Variants in DYRK1A observed in about 807,000 individuals in gnomAD.
DYRK1A encodes dual specificity tyrosine-phosphorylation-regulated kinase 1A.
Under a neutral mutation model 79.7 loss-of-function variants are expected in DYRK1A, and 9 were observed. The observed-to-expected ratio is 0.11, with a 90% CI of 0.07 to 0.20. The LOEUF (loss-of-function observed/expected upper bound fraction) is 0.20, where lower values mean the gene tolerates loss of function less well. DYRK1A is among the 10% of genes least tolerant of loss of function. The probability of loss-of-function intolerance (pLI) is 1.00; values close to 1 mark genes in which losing one functional copy is unlikely to be tolerated. For synonymous variants in DYRK1A, 349 were observed against 329.7 expected (o/e 1.06, Z -0.63); for missense variants, 622 against 956.0 (o/e 0.65, Z 4.61).
intron 1 of DYRK1A, among the ~76,000 whole-genome samples, chr21:37,383,124 G>T (rs2049691842): frequency 6.6e-6 from 1 of 152,232 alleles, no homozygotes; most frequent in African/African-American, 2.4e-5. Context: ...GGCAGTGCTT[G>T]CCTACCTCAG....
intron 2 of DYRK1A, chr21:37,456,371 C>G (rs1042014711): frequency 6.6e-6 from 1 of 152,156 alleles, no homozygotes; most frequent in Admixed American, 6.5e-5. Flanking sequence ...GGGAGCTATT[C>G]ACAAGATTCA....
chr21:37,384,312 A>G (rs1420788609), intron 1 of DYRK1A, among the ~76,000 whole-genome samples: 3 of 152,146 alleles, frequency 2.0e-5, no homozygotes, highest in Non-Finnish European at 4.4e-5. Context: ...TTCACAAAAG[A>G]ACAGTTTCTG....
intron 8 of DYRK1A, among the ~76,000 whole-genome samples, chr21:37,495,720 A>T (rs2053247148): frequency 6.6e-6 from 1 of 152,146 alleles, no homozygotes; most frequent in South Asian, 2.1e-4. Context: ...GCCTGGGAGG[A>T]GGTCAAGGCT....
At position 37,517,854 on chromosome 21, in the gene DYRK1A, A is replaced by G. The variant is rs1451596580; in HGVS notation, c.*5323A>G. ...GTTAACTCCCTCTGAAATGAAAGAA[A>G]ATACCTCTAGTGGCATGAAACGGCT... On this transcript the variant is annotated 3_prime_UTR_variant, in exon 12 of 12. Transcript: ENST00000647188. The G allele has an allele frequency of 1.3e-5, 2 of 152,172 alleles. No individual in the cohort carries two copies. The highest frequency in any genetic ancestry group is 2.9e-5 in the Non-Finnish European group (2 of 68,034). The allele number at this position is 152,172 out of a possible 1,614,324, so 9.4% of individuals were successfully genotyped here.
intron 1 of DYRK1A, among the ~76,000 whole-genome samples, chr21:37,417,654 T>C (rs2298328): frequency 0.35 from 52,381 of 149,352 alleles, 9,915 homozygotes; most frequent in African/African-American, 0.49. Context: ...TCAGTACCTA[T>C]CTGAGCATAC....
chr21:37,441,896 T>C (rs2051115447), intron 2 of DYRK1A, among the ~76,000 whole-genome samples: 1 of 151,940 alleles, frequency 6.6e-6, no homozygotes, highest in Non-Finnish European at 1.5e-5. Context: ...ACATTTTTTG[T>C]AGTGCGTATT....
At chr21:37,495,427 G>A (rs992118756) in intron 8 of DYRK1A, among the ~76,000 whole-genome samples, 4 of 152,182 alleles carry the variant, frequency 2.6e-5, no homozygotes, top group Non-Finnish European at 4.4e-5. Context: ...GGAGGCCAAG[G>A]TGGACAGATC....
At chr21:37,456,755 C>T (rs1297663527) in intron 2 of DYRK1A, among the ~76,000 whole-genome samples, 3 of 152,144 alleles carry the variant, frequency 2.0e-5, no homozygotes, top group Admixed American at 2.0e-4. Flanking sequence ...AGTGCTTGAC[C>T]TCTTTGTGTG....
intron 5 of DYRK1A, chr21:37,486,215 G>T (rs987267189): frequency 4.0e-6 from 1 of 252,352 alleles, no homozygotes; most frequent in South Asian, 1.7e-4. Context: ...TATCTATTTT[G>T]TGGATATTTA....
intron 2 of DYRK1A, among the ~76,000 whole-genome samples, chr21:37,444,799 C>G (rs1345071947): frequency 1.3e-5 from 2 of 152,064 alleles, no homozygotes; most frequent in East Asian, 3.8e-4. Flanking sequence ...AGAAAACTCA[C>G]AGTTGAATGG....
intron 1 of DYRK1A, among the ~76,000 whole-genome samples, chr21:37,392,606 AGGGCAACTTC>A (rs2049891632): frequency 6.6e-6 from 1 of 152,210 alleles, no homozygotes; most frequent in Non-Finnish European, 1.5e-5. Flanking sequence ...ATGGAAGGGC[AGGGCAACTTC>A]CTTTAACCTC....
chr21:37,422,565 T>C (rs1323316278), intron 2 of DYRK1A, among the ~76,000 whole-genome samples: 2 of 152,160 alleles, frequency 1.3e-5, no homozygotes, highest in African/African-American at 4.8e-5. Context: ...TCTCATCTTT[T>C]CCTTGATGAG....
chr21:37,511,915 G>T lies in DYRK1A; in HGVS notation c.1649G>T (p.Arg550Leu). The change falls in exon 12 of 12, where the codon CGT becomes CTT. Residue 550 changes from arginine (R) to leucine (L), a missense_variant. Physicochemically the swap from Arg to Leu is moderately radical, Grantham distance 102 (BLOSUM62 -2). This residue lies in a region of DYRK1A where 292 missense variants were observed against 316.7 expected (regional missense o/e 0.92). Transcript: ENST00000647188. Reference protein sequence around the residue: ...MDCETHSPQVRQQFPAPLGWS... With the variant: ...MDCETHSPQVLQQFPAPLGWS... Reference sequence around the variant, plus strand: ...TTTAAAAATCTGTTCTTTCAGGTGCGTCAGCAATTTCCTGCTCCTCTTGGT... The same window carrying T: ...TTTAAAAATCTGTTCTTTCAGGTGCTTCAGCAATTTCCTGCTCCTCTTGGT... 6.2e-7 allele frequency: 1 copy of T among 1,609,378 alleles called. No homozygotes were observed. Among genetic ancestry groups the T allele is most frequent in the Non-Finnish European group, 8.5e-7 (1 of 1,176,160 alleles).
At chr21:37,437,944 T>TG (rs1199316127) in intron 2 of DYRK1A, among the ~76,000 whole-genome samples, 4 of 152,232 alleles carry the variant, frequency 2.6e-5, no homozygotes, top group Admixed American at 2.6e-4. Flanking sequence ...ACAAAGTAGT[T>TG]GTACCGTTTT....
chr21:37,389,160 G>A (rs1171363720), intron 1 of DYRK1A, among the ~76,000 whole-genome samples: 1 of 151,558 alleles, frequency 6.6e-6, no homozygotes, highest in Non-Finnish European at 1.5e-5. Context: ...TTACAGGCAT[G>A]AGCCACCACT....
intron 2 of DYRK1A, among the ~76,000 whole-genome samples, chr21:37,461,592 A>G (rs1028288900): frequency 2.0e-5 from 3 of 152,064 alleles, no homozygotes; most frequent in Non-Finnish European, 2.9e-5. Flanking sequence ...TTTCACTTTC[A>G]TGGGTCTGAA....
At chr21:37,398,985 A>G (rs2050008226) in intron 1 of DYRK1A, among the ~76,000 whole-genome samples, 1 of 150,670 alleles carries the variant, frequency 6.6e-6, no homozygotes, top group Non-Finnish European at 1.5e-5. Context: ...TGGTGCATTT[A>G]CTAGGACCTT....
At position 37,515,978 on chromosome 21, in the gene DYRK1A, A is replaced by G. The variant is rs867259629; in HGVS notation, c.*3447A>G. 6 of 152,226 alleles carry G rather than the reference A, an allele frequency of 3.9e-5. No individual in the cohort carries two copies. Among genetic ancestry groups the G allele is most frequent in the Admixed American group, 6.5e-5 (1 of 15,284 alleles). 9.4% of individuals were successfully genotyped at this position (152,226 alleles called of 1,614,324 possible). On this transcript the variant is annotated 3_prime_UTR_variant, in exon 12 of 12. Coordinates refer to ENST00000647188, the MANE Select transcript of DYRK1A (RefSeq NM_001347721.2). ...GGTGTTGAACTTTTCTGTTCTTCCA[A>G]TAGGGAGATACATAATCAAAATACA...
chr21:37,443,758 C>T (rs1015456064), intron 2 of DYRK1A, among the ~76,000 whole-genome samples: 1 of 152,158 alleles, frequency 6.6e-6, no homozygotes, highest in African/African-American at 2.4e-5. Flanking sequence ...TGCTGCATTA[C>T]GCCTATCTTT....
Sources: gnomAD v4.1 joint callset for allele counts (sites outside exome capture counted in the v4.1 genomes callset) on GRCh38, gnomAD v4.1.1 for gene constraint, gnomAD v4.1.1 regional missense constraint, MANE v1.5 for transcripts, NCBI Gene and HGNC (gene_info 2026-07-23, HGNC 2026-07-21) for gene names.